Variants in NAALADL2 observed in about 807,000 individuals in gnomAD.
NAALADL2 encodes the protein N-acetylated alpha-linked acidic dipeptidase like 2, also known as inactive N-acetylated-alpha-linked acidic dipeptidase-like protein 2.
Under a neutral mutation model 87.2 loss-of-function variants are expected in NAALADL2, and 76 were observed. The ratio of observed to expected loss-of-function variants is 0.87; its 90% CI spans 0.72 to 1.05. The LOEUF (loss-of-function observed/expected upper bound fraction) is 1.05, where lower values mean the gene tolerates loss of function less well. NAALADL2 is among the 50% of genes least tolerant of loss of function. The pLI, the probability that NAALADL2 is intolerant of heterozygous loss-of-function variation, is 0.00. For missense variants in NAALADL2, 1,089 were observed against 945.8 expected, an observed-to-expected ratio of 1.15 and a Z score of -1.99; for synonymous variants, 354 against 331.0, an observed-to-expected ratio of 1.07 and a Z score of -0.75.
chr3:175,370,978 A>G (rs1180752427), intron 5 of NAALADL2, among the ~76,000 whole-genome samples: 5 of 152,166 alleles, frequency 3.3e-5, no homozygotes, highest in Non-Finnish European at 7.3e-5. Flanking sequence ...AGAATCATTG[A>G]AATGTCTGAC....
intron 11 of NAALADL2, among the ~76,000 whole-genome samples, chr3:175,642,499 C>CTTTTTTTTTTT (rs1206070195): frequency 2.1e-5 from 3 of 141,404 alleles, no homozygotes; most frequent in African/African-American, 2.6e-5. Flanking sequence ...TCACCCAAAT[C>CTTTTTTTTTTT]TTTTTTTTTT....
At chr3:174,815,527 TA>T (rs1381798722) in intron 3 of NAALADL2, among the ~76,000 whole-genome samples, 1 of 152,184 alleles carries the variant, frequency 6.6e-6, no homozygotes, top group Admixed American at 6.5e-5. Context: ...CTGCTGTGTT[TA>T]AGTGATCCTG....
intron 1 of NAALADL2, among the ~76,000 whole-genome samples, chr3:174,521,936 T>G (rs1720324593): frequency 6.6e-6 from 1 of 151,958 alleles, no homozygotes; most frequent in South Asian, 2.1e-4. Context: ...GAATCTAAAA[T>G]TATATTAAAA....
intron 11 of NAALADL2, among the ~76,000 whole-genome samples, chr3:175,640,787 G>A (rs991429214): frequency 6.6e-6 from 1 of 152,134 alleles, no homozygotes; most frequent in Non-Finnish European, 1.5e-5. Flanking sequence ...TTTAACAAGT[G>A]TTGTATACGA....
At chr3:175,457,146 G>A (rs1267159839) in intron 6 of NAALADL2, among the ~76,000 whole-genome samples, 3 of 151,922 alleles carry the variant, frequency 2.0e-5, no homozygotes, top group Non-Finnish European at 2.9e-5. Context: ...TCCAACGTTC[G>A]TCACTGTCTA....
intron 11 of NAALADL2, among the ~76,000 whole-genome samples, chr3:175,639,699 CT>C (rs983499381): frequency 2.1e-4 from 32 of 152,238 alleles, no homozygotes; most frequent in Non-Finnish European, 4.4e-4. Flanking sequence ...CTTTAACTTA[CT>C]TTTTTATTTT....
chr3:175,030,941 TG>T (rs1310563161), intron 1 of NAALADL2, among the ~76,000 whole-genome samples: 23 of 152,114 alleles, frequency 1.5e-4, no homozygotes, highest in African/African-American at 5.1e-4. Context: ...ATGTAAGGTT[TG>T]TGACAACCCT....
At chr3:175,621,044 A>G (rs756484501) in intron 10 of NAALADL2, among the ~76,000 whole-genome samples, 9 of 152,204 alleles carry the variant, frequency 5.9e-5, no homozygotes, top group Non-Finnish European at 8.8e-5. Flanking sequence ...TTGGTTAAAA[A>G]GCATTATTCG....
At chr3:175,495,772 T>C (rs1397980128) in intron 9 of NAALADL2, among the ~76,000 whole-genome samples, 1 of 152,108 alleles carries the variant, frequency 6.6e-6, no homozygotes, top group African/African-American at 2.4e-5. Flanking sequence ...TTGTTTATAT[T>C]CTACTCTTTT....
chr3:174,474,517 T>A (rs958257028), intron 1 of NAALADL2, among the ~76,000 whole-genome samples: 1 of 152,160 alleles, frequency 6.6e-6, no homozygotes, highest in African/African-American at 2.4e-5. Context: ...TAACCTTAAC[T>A]ATAAGGGGAG....
intron 3 of NAALADL2, among the ~76,000 whole-genome samples, chr3:174,825,854 C>T (rs1241541496): frequency 2.6e-5 from 4 of 152,068 alleles, no homozygotes; most frequent in Non-Finnish European, 5.9e-5. Context: ...GGTGAAACCT[C>T]GTCTCTACTA....
At chr3:174,842,974 T>G (rs114504480) in intron 3 of NAALADL2, among the ~76,000 whole-genome samples, 1 of 152,154 alleles carries the variant, frequency 6.6e-6, no homozygotes, top group African/African-American at 2.4e-5. Flanking sequence ...TCAATTTTTT[T>G]AAAAATTTTA....
intron 2 of NAALADL2, among the ~76,000 whole-genome samples, chr3:174,557,552 C>T (rs1712998174): frequency 6.6e-6 from 1 of 152,036 alleles, no homozygotes; most frequent in Non-Finnish European, 1.5e-5. Context: ...AGAGGTACAG[C>T]TGTATTAGGA....
In NAALADL2 at chr3:174,465,760, A is replaced by AT. The variant is rs145864992; in HGVS notation, c.-184+24734dup. ...TGTTAATGTATTTGTACTCATCTTT[A>AT]TTTTTTACTTGTGGTCTTACACCCT... is the stretch of plus-strand genomic sequence containing the variant. On this transcript the variant is annotated intron_variant, in intron 1 of 3. Transcript: ENST00000434257. 1.7e-3 allele frequency among the ~76,000 whole-genome samples: 264 copies of AT among 151,968 alleles called. 1 individual carries two copies. The highest frequency in any genetic ancestry group is 6.2e-3 in the African/African-American group (257 of 41,430).
At position 174,955,561 on chromosome 3, in the gene NAALADL2, A is replaced by G. The variant is rs546394821; in HGVS notation, c.43+96111A>G. Among the ~76,000 whole-genome samples, 20 of 152,202 alleles carry G rather than the reference A, an allele frequency of 1.3e-4. No homozygotes were observed. The South Asian group carries it at 4.1e-3, about 32-fold the overall frequency. ...CCTCTCAAATAGAGACACTGGCAGAACAATGCTTGTCTGGTGACTCATACA... is the reference window on the plus strand; with the variant it reads ...CCTCTCAAATAGAGACACTGGCAGAGCAATGCTTGTCTGGTGACTCATACA... On this transcript the variant is annotated intron_variant, in intron 1 of 13. Transcript: ENST00000454872.
chr3:174,785,946 C>G (rs573871342), intron 3 of NAALADL2, among the ~76,000 whole-genome samples: 1 of 152,024 alleles, frequency 6.6e-6, no homozygotes, highest in Non-Finnish European at 1.5e-5. Flanking sequence ...GATATTGATT[C>G]CTTTTTCCTA....
At position 175,793,467 on chromosome 3, in the gene NAALADL2, G is replaced by A. The variant is rs182570439; in HGVS notation, c.2190-9538G>A. Among the ~76,000 whole-genome samples the A allele has an allele frequency of 4.6e-4, 70 of 151,008 alleles. 1 individual carries two copies. The East Asian group carries it at 0.011, about 23-fold the overall frequency. On this transcript the variant is annotated intron_variant, in intron 13 of 13. Transcript: ENST00000454872. ...TGGGACTACAGGCACCCGCCACCGCGCCCGGCTAATTTTTTTTTTTTGTAT... is the reference window on the plus strand; with the variant it reads ...TGGGACTACAGGCACCCGCCACCGCACCCGGCTAATTTTTTTTTTTTGTAT...
chr3:174,795,623 A>C (rs1196458176), intron 3 of NAALADL2, among the ~76,000 whole-genome samples: 1 of 152,192 alleles, frequency 6.6e-6, no homozygotes, highest in African/African-American at 2.4e-5. Context: ...AACAGTTGTC[A>C]AAAGTGGTTC....
intron 2 of NAALADL2, among the ~76,000 whole-genome samples, chr3:175,103,508 C>T (rs1336515066): frequency 1.3e-5 from 2 of 152,138 alleles, no homozygotes; most frequent in East Asian, 1.9e-4. Flanking sequence ...ACTGCCACTT[C>T]CTGTGTCATG....
Sources: gnomAD v4.1 joint callset for allele counts (sites outside exome capture counted in the v4.1 genomes callset) on GRCh38, gnomAD v4.1.1 for gene constraint, MANE v1.5 for transcripts, NCBI Gene and HGNC (gene_info 2026-07-23, HGNC 2026-07-21) for gene names.